DSCAM: variants seen among roughly 807,000 people sequenced by gnomAD.
DSCAM encodes the protein cell adhesion molecule DSCAM.
DSCAM carries 47 observed loss-of-function variants against 217.7 expected under a neutral mutation model. The observed-to-expected ratio is 0.22, with a 90% CI of 0.17 to 0.28. DSCAM has a LOEUF of 0.28. Among genes scored for constraint, DSCAM ranks in the 10% least tolerant of loss-of-function variants. The probability of loss-of-function intolerance (pLI) is 1.00; values close to 1 mark genes in which losing one functional copy is unlikely to be tolerated. For synonymous variants in DSCAM, 1,056 were observed against 1,015.3 expected (o/e 1.04, Z -0.76); for missense variants, 2,080 against 2,618.3 (o/e 0.79, Z 4.49).
At chr21:40,183,281 A>G (rs1396023265) in intron 14 of DSCAM, among the ~76,000 whole-genome samples, 3 of 152,202 alleles carry the variant, frequency 2.0e-5, no homozygotes, top group Non-Finnish European at 4.4e-5. Flanking sequence ...GGGATGTTAA[A>G]GGTGGCCTTG....
intron 3 of DSCAM, among the ~76,000 whole-genome samples, chr21:40,588,382 G>C (rs1479013200): frequency 2.0e-5 from 3 of 152,138 alleles, no homozygotes; most frequent in Non-Finnish European, 4.4e-5. Context: ...ATCAACATTA[G>C]TCAGAACATC....
At chr21:40,229,563 ATT>A (rs1481893047) in intron 11 of DSCAM, among the ~76,000 whole-genome samples, 2 of 152,084 alleles carry the variant, frequency 1.3e-5, no homozygotes, top group Non-Finnish European at 2.9e-5. Context: ...TCTGAACTCT[ATT>A]GTTTTGCCTT....
chr21:40,498,558 C>T (rs2076137485), intron 3 of DSCAM, among the ~76,000 whole-genome samples: 2 of 149,430 alleles, frequency 1.3e-5, no homozygotes, highest in Non-Finnish European at 3.0e-5. Context: ...ACATGTATTT[C>T]ACATATACCT....
intron 1 of DSCAM, among the ~76,000 whole-genome samples, chr21:40,742,327 G>C (rs2091132143): frequency 1.3e-5 from 2 of 152,098 alleles, no homozygotes; most frequent in South Asian, 4.1e-4. Context: ...ACTAATTTTT[G>C]TATGTTGATT....
At chr21:40,194,012 GT>G (rs1229774392) in intron 11 of DSCAM, among the ~76,000 whole-genome samples, 4 of 152,124 alleles carry the variant, frequency 2.6e-5, no homozygotes, top group Admixed American at 2.0e-4. Flanking sequence ...GGACTTGTTT[GT>G]TTTCTTCTCT....
chr21:40,080,141 G>C lies in DSCAM; in HGVS notation c.4420+11C>G, dbSNP rs755913231. On this transcript the variant is annotated intron_variant, in intron 25 of 32. Transcript: ENST00000400454. ...AAAGGATATTAAGAAGCGATGAGAA[G>C]GCATACCTACCTTTTCCTAAGGTCT... 1.3e-6 allele frequency: 2 copies of C among 1,499,826 alleles called. No homozygotes were observed. Among genetic ancestry groups the C allele is most frequent in the Middle Eastern group, 1.8e-4 (1 of 5,434 alleles). The allele number at this position is 1,499,826 out of a possible 1,614,324, so 92.9% of individuals were successfully genotyped here.
intron 3 of DSCAM, among the ~76,000 whole-genome samples, chr21:40,675,009 A>G (rs901961351): frequency 8.1e-6 from 1 of 123,662 alleles, no homozygotes; most frequent in African/African-American, 2.8e-5. Context: ...CCACCTCATT[A>G]TATAAACACA....
At chr21:40,477,243 A>C (rs945794762) in intron 3 of DSCAM, among the ~76,000 whole-genome samples, 3 of 152,226 alleles carry the variant, frequency 2.0e-5, no homozygotes, top group African/African-American at 7.2e-5. Context: ...CTAGAAAAAT[A>C]AAACCAGCTC....
At chr21:40,487,326 T>TGA (rs10598197) in intron 3 of DSCAM, among the ~76,000 whole-genome samples, 6,044 of 72,696 alleles carry the variant, frequency 0.083, 177 homozygotes, top group Non-Finnish European at 0.1. Flanking sequence ...TGTGTGTGTG[T>TGA]GAGAGAGAGA....
At chr21:40,756,813 A>G (rs1046584705) in intron 1 of DSCAM, among the ~76,000 whole-genome samples, 3 of 152,206 alleles carry the variant, frequency 2.0e-5, no homozygotes, top group Admixed American at 6.5e-5. Context: ...TTCTTGTTTT[A>G]TAAATGAGGA....
chr21:40,271,751 C>T (rs2123365755), intron 11 of DSCAM, among the ~76,000 whole-genome samples: 1 of 152,282 alleles, frequency 6.6e-6, no homozygotes, highest in Admixed American at 6.5e-5. Flanking sequence ...AAAGCTTCCC[C>T]ATGGCAATGC....
Position 40,040,660 on chromosome 21 carries a change from A to G in DSCAM, c.5686+1711T>C, listed in dbSNP as rs375341769. Among the ~76,000 whole-genome samples the G allele has an allele frequency of 2.6e-5, 4 of 152,338 alleles. No homozygotes were observed. In the South Asian group the frequency reaches 8.3e-4, roughly 32 times the overall value. On this transcript the variant is annotated intron_variant, in intron 32 of 32. Coordinates refer to ENST00000400454, the MANE Select transcript of DSCAM (RefSeq NM_001389.5). ...TTCTAGCAACCCAGTGCCAGAAACAATGGCTAACATGGCTGAGTGCCTCCT... is the reference window on the plus strand; with the variant it reads ...TTCTAGCAACCCAGTGCCAGAAACAGTGGCTAACATGGCTGAGTGCCTCCT...
rs575675826 is a variant in DSCAM at position 40,492,016 on chromosome 21, A to G, written c.509-122771T>C. On this transcript the variant is annotated intron_variant, in intron 3 of 32. Transcript: ENST00000400454. ...TTCTTCCCACAACAGAAATCCCATA[A>G]AGGAAAACTTTTGTCTGTTATGTTC... is the stretch of plus-strand genomic sequence containing the variant. Among the ~76,000 whole-genome samples the G allele has an allele frequency of 9.8e-5, 15 of 152,316 alleles. 1 individual carries two copies. The South Asian group carries it at 3.1e-3, about 32-fold the overall frequency.
chr21:40,693,897 A>C (rs2090568349), intron 2 of DSCAM, among the ~76,000 whole-genome samples: 1 of 152,064 alleles, frequency 6.6e-6, no homozygotes, highest in East Asian at 1.9e-4. Context: ...AGCAGGCCCA[A>C]CTCCCTGGGT....
At chr21:40,467,929 C>CAAAAAAAA (rs2075857862) in intron 3 of DSCAM, among the ~76,000 whole-genome samples, 1 of 76,806 alleles carries the variant, frequency 1.3e-5, no homozygotes, top group Admixed American at 1.5e-4. Context: ...CAAAGATTAA[C>CAAAAAAAA]CAAAAAAAAA....
intron 3 of DSCAM, among the ~76,000 whole-genome samples, chr21:40,653,931 C>T (rs2090044292): frequency 6.6e-6 from 1 of 151,874 alleles, no homozygotes; most frequent in African/African-American, 2.4e-5. Context: ...CCCATCTCTA[C>T]TAAAACTATA....
At chr21:40,818,521 G>T (rs1369856602) in intron 1 of DSCAM, among the ~76,000 whole-genome samples, 1 of 120,614 alleles carries the variant, frequency 8.3e-6, no homozygotes, top group African/African-American at 3.2e-5. Flanking sequence ...ACTCCAGCCT[G>T]GGCTACACAG....
intron 10 of DSCAM, among the ~76,000 whole-genome samples, chr21:40,282,464 G>A (rs1291344851): frequency 2.0e-5 from 3 of 151,332 alleles, no homozygotes; most frequent in African/African-American, 4.8e-5. Context: ...GGTAGCGGGC[G>A]CCTGTAGTCC....
chr21:40,393,933 G>C (rs191493078), intron 3 of DSCAM, among the ~76,000 whole-genome samples: 27 of 152,278 alleles, frequency 1.8e-4, no homozygotes, highest in African/African-American at 6.5e-4. Flanking sequence ...CTGTTCTTGA[G>C]TGTTTCTAAT....
Sources: allele counts gnomAD v4.1 joint callset (sites outside exome capture counted in the v4.1 genomes callset), GRCh38; gene constraint gnomAD v4.1.1; transcripts MANE v1.5; gene names NCBI Gene and HGNC (gene_info 2026-07-23, HGNC 2026-07-21).